ZDHHC20: variants seen among roughly 807,000 people sequenced by gnomAD.
The protein encoded by ZDHHC20 is palmitoyltransferase ZDHHC20.
Under a neutral mutation model 57.8 loss-of-function variants are expected in ZDHHC20, and 43 were observed. The ratio of observed to expected loss-of-function variants is 0.74; its 90% confidence interval spans 0.58 to 0.96. The LOEUF (loss-of-function observed/expected upper bound fraction) is 0.96. Among genes scored for constraint, ZDHHC20 ranks in the 40% least tolerant of loss-of-function variants. The pLI is 0.00. For missense variants in ZDHHC20, 391 were observed against 441.1 expected (o/e 0.89, Z 1.02); for synonymous variants, 157 against 153.0 (o/e 1.03, Z -0.19).
chr13:21,383,784 T>C (rs1403612027), intron 9 of ZDHHC20, among the ~76,000 whole-genome samples: 1 of 152,178 alleles, frequency 6.6e-6, no homozygotes, highest in Non-Finnish European at 1.5e-5. Flanking sequence ...TTTTAAGCAC[T>C]ACAGATATAG....
intron 5 of ZDHHC20, among the ~76,000 whole-genome samples, chr13:21,402,468 G>A (rs1566080125): frequency 6.6e-6 from 1 of 152,088 alleles, no homozygotes; most frequent in Non-Finnish European, 1.5e-5. Context: ...AAAAGTCAAG[G>A]ATTATCTGGG....
At chr13:21,391,928 T>G in intron 7 of ZDHHC20, 74 bp from the exon 8 acceptor site, 8 of 1,454,078 alleles carry the variant, frequency 5.5e-6, no homozygotes, top group East Asian at 2.4e-5. Context: ...GTCTAAAGAT[T>G]GTTGAATATA....
intron 11 of ZDHHC20, among the ~76,000 whole-genome samples, chr13:21,380,555 G>A (rs1190466853): frequency 6.6e-6 from 1 of 151,668 alleles, no homozygotes; most frequent in Non-Finnish European, 1.5e-5. Context: ...GCACTTTGGG[G>A]GGCTGAGGCG....
intron 1 of ZDHHC20, among the ~76,000 whole-genome samples, chr13:21,426,960 C>T (rs1287871077): frequency 6.6e-6 from 1 of 152,058 alleles, no homozygotes; most frequent in East Asian, 1.9e-4. Flanking sequence ...TTATTCTAAA[C>T]AAATTGTGGT....
intron 1 of ZDHHC20, among the ~76,000 whole-genome samples, chr13:21,452,710 A>G (rs1464039670): frequency 6.6e-6 from 1 of 152,230 alleles, no homozygotes; most frequent in Admixed American, 6.5e-5. Context: ...GTATACTTTT[A>G]TAAGGTATTA....
At chr13:21,417,501 G>A (rs36070486) in intron 3 of ZDHHC20, among the ~76,000 whole-genome samples, 45,118 of 151,972 alleles carry the variant, frequency 0.3, 6,914 homozygotes, top group Admixed American at 0.34. Context: ...ATGCAATGGC[G>A]CAATCTTGGC....
chr13:21,401,640 T>C lies in ZDHHC20; in HGVS notation c.473+13A>G. Reference sequence around the variant, plus strand: ...CACCACCAATGCAATTTCTTCTGTTTTTTTATACATACCAAGGACAGTGAT... The same window carrying C: ...CACCACCAATGCAATTTCTTCTGTTCTTTTATACATACCAAGGACAGTGAT... On this transcript the variant is annotated intron_variant, in intron 6 of 12. Coordinates refer to ENST00000400590, the MANE Select transcript of ZDHHC20 (RefSeq NM_001330059.2). 1 of 1,536,296 alleles carries C rather than the reference T, an allele frequency of 6.5e-7. No homozygotes were observed. The highest frequency in any genetic ancestry group is 2.4e-5 in the East Asian group (1 of 41,500).
intron 7 of ZDHHC20, among the ~76,000 whole-genome samples, chr13:21,395,806 T>G (rs1021995652): frequency 2.0e-5 from 3 of 152,092 alleles, no homozygotes; most frequent in Non-Finnish European, 4.4e-5. Flanking sequence ...CAACCCTATT[T>G]TCTTATTTTC....
In ZDHHC20 at chr13:21,376,963, C is replaced by T. The variant is rs2137601550; in HGVS notation, c.*41-308G>A. ...ACCTACACCTGTCCTAAGATTGGCG[C>T]AAGATGTAGAAAACTTCCCACAGCA... On this transcript the variant is annotated intron_variant, in intron 12 of 12. Transcript: ENST00000400590. The T allele has an allele frequency of 1.6e-5, 3 of 185,664 alleles. No individual in the cohort carries two copies. The South Asian group carries it at 4.8e-4, about 30-fold the overall frequency. The allele number at this position is 185,664 out of a possible 1,614,324, so 11.5% of individuals were successfully genotyped here. A position where few individuals can be genotyped will look rare whatever the true frequency, so the allele number is the denominator to read the frequency against.
At chr13:21,450,455 T>C in intron 1 of ZDHHC20, among the ~76,000 whole-genome samples, 1 of 152,016 alleles carries the variant, frequency 6.6e-6, no homozygotes, top group Non-Finnish European at 1.5e-5. Context: ...AAAACAGATC[T>C]TTTTTTTCAT....
rs1871799338 is a variant in ZDHHC20, at chr13:21,374,878, A to G, written c.*1818T>C. On this transcript the variant is annotated 3_prime_UTR_variant, in exon 13 of 13. Coordinates refer to ENST00000400590, the MANE Select transcript of ZDHHC20 (RefSeq NM_001330059.2). ...GCGGGGCGTGGTGGCTCACGCCTGT[A>G]ATCCCAGCACTTTGGGAAGCTGAGG... 6.2e-6 allele frequency: 2 copies of G among 324,406 alleles called. No individual in the cohort carries two copies. Among genetic ancestry groups the G allele is most frequent in the Non-Finnish European group, 1.2e-5 (2 of 167,048 alleles). The allele number at this position is 324,406 out of a possible 1,614,324, so 20.1% of individuals were successfully genotyped here. A position where few individuals can be genotyped will look rare whatever the true frequency, so the allele number is the denominator to read the frequency against.
At chr13:21,438,804 C>T (rs926036888) in intron 1 of ZDHHC20, among the ~76,000 whole-genome samples, 9 of 152,148 alleles carry the variant, frequency 5.9e-5, no homozygotes, top group African/African-American at 1.9e-4. Flanking sequence ...CGGCAAACTT[C>T]GTTCTTGTCG....
intron 4 of ZDHHC20, among the ~76,000 whole-genome samples, chr13:21,404,708 C>A (rs1036497133): frequency 6.6e-6 from 1 of 150,676 alleles, no homozygotes; most frequent in African/African-American, 2.4e-5. Context: ...GAGCTGAGAT[C>A]GCGCCACTGC....
rs541423889 is a variant in ZDHHC20 at position 21,432,361 on chromosome 13, G to A, written c.119-6683C>T. 8.1e-5 allele frequency among the ~76,000 whole-genome samples: 12 copies of A among 148,464 alleles called. 1 individual carries two copies. In the South Asian group the frequency reaches 1.3e-3, roughly 16 times the overall value. On this transcript the variant is annotated intron_variant, in intron 1 of 12. Transcript: ENST00000400590. ...TTTTTTTTTTTTGAGACAGAGTCTCGCTCTGTAGCCCAGGCTGGTGTGCAG... is the reference window on the plus strand; with the variant it reads ...TTTTTTTTTTTTGAGACAGAGTCTCACTCTGTAGCCCAGGCTGGTGTGCAG...
rs894139589 is a variant in ZDHHC20, at chr13:21,383,045, T to C, written c.855-36A>G. The C allele has an allele frequency of 2.6e-6, 4 of 1,514,624 alleles. No individual in the cohort carries two copies. In the African/African-American group the frequency reaches 5.5e-5, roughly 21 times the overall value. The allele number at this position is 1,514,624 out of a possible 1,614,324, so 93.8% of individuals were successfully genotyped here. On this transcript the variant is annotated intron_variant, in intron 9 of 12. Coordinates refer to ENST00000400590, the MANE Select transcript of ZDHHC20 (RefSeq NM_001330059.2). ...AAAAAGAGTAATAATTTAAATAATGTTAAGTTAAATCAAAATGGTCAAATT... is the reference window on the plus strand; with the variant it reads ...AAAAAGAGTAATAATTTAAATAATGCTAAGTTAAATCAAAATGGTCAAATT...
chr13:21,452,726 G>C (rs1884564770), intron 1 of ZDHHC20, among the ~76,000 whole-genome samples: 1 of 152,138 alleles, frequency 6.6e-6, no homozygotes, highest in Non-Finnish European at 1.5e-5. Context: ...TATTATATAT[G>C]AAACAGTACG....
chr13:21,424,572 G>A (rs535891497), intron 2 of ZDHHC20, among the ~76,000 whole-genome samples: 9 of 152,000 alleles, frequency 5.9e-5, no homozygotes, highest in African/African-American at 9.7e-5. Flanking sequence ...TTAGCCAGGC[G>A]TGGTGGCAGG....
At chr13:21,450,700 TTAC>T (rs1449630848) in intron 1 of ZDHHC20, among the ~76,000 whole-genome samples, 3 of 151,766 alleles carry the variant, frequency 2.0e-5, no homozygotes, top group East Asian at 3.9e-4. Context: ...ATCTAGAAAA[TTAC>T]TACACTCTCG....
intron 1 of ZDHHC20, among the ~76,000 whole-genome samples, chr13:21,445,110 A>T (rs1883555550): frequency 6.6e-6 from 1 of 151,538 alleles, no homozygotes. Context: ...TTATATATTT[A>T]TATATATATA....
Sources: gnomAD v4.1 joint callset for allele counts (sites outside exome capture counted in the v4.1 genomes callset) on GRCh38, gnomAD v4.1.1 for gene constraint, MANE v1.5 for transcripts, NCBI Gene and HGNC (gene_info 2026-07-23, HGNC 2026-07-21) for gene names.